The following MTERF4 variants were observed in gnomAD, a reference collection of about 807,000 sequenced individuals.
The protein encoded by MTERF4 is mitochondrial transcription termination factor 4.
MTERF4 carries 17 observed loss-of-function variants against 22.5 expected under a neutral mutation model. The observed-to-expected ratio is 0.75, with a 90% CI of 0.52 to 1.13. MTERF4 has a LOEUF of 1.13. Among genes scored for constraint, MTERF4 ranks in the 50% most tolerant of loss-of-function variants. MTERF4 has a pLI of 0.00. For synonymous variants in MTERF4, 165 were observed against 175.3 expected, an observed-to-expected ratio of 0.94 and a Z score of 0.47; for missense variants, 420 against 466.8, an observed-to-expected ratio of 0.90 and a Z score of 0.92.
chr2:241,047,537 A>G, the MTERF4 span, among the ~76,000 whole-genome samples: 2 of 152,260 alleles, frequency 1.3e-5, no homozygotes, highest in Non-Finnish European at 2.9e-5. Flanking sequence ...CTTGGCCATC[A>G]TAGGCCATAT....
At chr2:241,070,861 G>A (rs1308733934), downstream of MTERF4, among the ~76,000 whole-genome samples, 6 of 152,212 alleles carry the variant, frequency 3.9e-5, no homozygotes, top group East Asian at 1.9e-4. Context: ...AGGCCACGGC[G>A]GGACAGAGCA....
At chr2:241,044,399 T>A in the MTERF4 span, among the ~76,000 whole-genome samples, 1 of 152,222 alleles carries the variant, frequency 6.6e-6, no homozygotes, top group South Asian at 2.1e-4. Context: ...TCTACCCCTG[T>A]CTCTCCCCCA....
chr2:241,060,615 C>T, the MTERF4 span, among the ~76,000 whole-genome samples: 6 of 150,494 alleles, frequency 4.0e-5, no homozygotes, highest in Admixed American at 4.0e-4. Context: ...GAATTAAATC[C>T]AGGTGGATTA....
At chr2:241,080,411 C>A (rs940716980) in intron 4 of MTERF4, among the ~76,000 whole-genome samples, 6 of 152,158 alleles carry the variant, frequency 3.9e-5, no homozygotes, top group Non-Finnish European at 5.9e-5. Context: ...ATTGAAAGGC[C>A]TGAAGCTGTG....
intron 4 of MTERF4, among the ~76,000 whole-genome samples, chr2:241,078,120 C>G (rs771545204): frequency 6.6e-6 from 1 of 152,142 alleles, no homozygotes; most frequent in Non-Finnish European, 1.5e-5. Context: ...CGCGGTGGCT[C>G]ACGCCTGTAA....
At chr2:241,047,418 C>G in the MTERF4 span, among the ~76,000 whole-genome samples, 3 of 152,060 alleles carry the variant, frequency 2.0e-5, no homozygotes, top group African/African-American at 7.3e-5. Flanking sequence ...TTCGACACTC[C>G]CCTCTCAGTG....
At chr2:241,049,884 C>T in the MTERF4 span, 1 of 1,613,868 alleles carries the variant, frequency 6.2e-7, no homozygotes, top group Admixed American at 1.7e-5. Context: ...ATGACGACTC[C>T]TACACCTGCG....
the MTERF4 span, chr2:241,063,871 C>A: frequency 1.4e-6 from 1 of 732,756 alleles, no homozygotes; most frequent in Non-Finnish European, 2.3e-6. Context: ...CTGGGGAGGG[C>A]TGAGGGGCGG....
chr2:241,084,481 T>C (rs56237915), downstream of MTERF4, among the ~76,000 whole-genome samples: 8,795 of 152,174 alleles, frequency 0.058, 648 homozygotes, highest in East Asian at 0.23. Context: ...ACCATACACA[T>C]CTTCAACTTC....
downstream of MTERF4, chr2:241,091,918 T>C (rs764516508): frequency 1.3e-5 from 2 of 152,310 alleles, no homozygotes; most frequent in African/African-American, 2.4e-5. This position sits in a 1 kb window ranked among gnomAD's most constrained non-coding sequence, Gnocchi z 4.1. Context: ...CCTGAAGGTG[T>C]AGTCTGTGTC....
the MTERF4 span, among the ~76,000 whole-genome samples, chr2:241,054,486 T>G: frequency 6.6e-6 from 1 of 152,102 alleles, no homozygotes; most frequent in African/African-American, 2.4e-5. Flanking sequence ...GGAGATCACT[T>G]GAACCTGGGA....
the MTERF4 span, among the ~76,000 whole-genome samples, chr2:241,050,657 G>T: frequency 6.6e-5 from 10 of 152,202 alleles, no homozygotes; most frequent in Non-Finnish European, 1.3e-4. Flanking sequence ...GGTAGAACAG[G>T]TTTCCAAAGA....
At chr2:241,083,052 G>T (rs1376909607), downstream of MTERF4, among the ~76,000 whole-genome samples, 1 of 151,208 alleles carries the variant, frequency 6.6e-6, no homozygotes, top group Non-Finnish European at 1.5e-5. Flanking sequence ...TTGCAGATGA[G>T]GGGACAGACA....
chr2:241,064,701 C>G, the MTERF4 span: 1 of 601,038 alleles, frequency 1.7e-6, no homozygotes, highest in African/African-American at 1.9e-5. This position sits in a 1 kb window ranked among gnomAD's most constrained non-coding sequence, Gnocchi z 7.0. Context: ...GTGGCAGAAC[C>G]GAAGGGAGGC....
intron 1 of MTERF4, 133 bp downstream of exon 1, chr2:241,102,120 C>A: frequency 7.9e-7 from 1 of 1,270,498 alleles, no homozygotes; most frequent in Non-Finnish European, 1.1e-6. Flanking sequence ...GATGCCAAAA[C>A]CAGGTCAGCG....
At chr2:241,079,040 G>A (rs1486607863) in intron 4 of MTERF4, among the ~76,000 whole-genome samples, 1 of 151,292 alleles carries the variant, frequency 6.6e-6, no homozygotes, top group Non-Finnish European at 1.5e-5. Context: ...CTTGAACCCA[G>A]GAGGCGGAGG....
chr2:241,057,513 A>C, the MTERF4 span, among the ~76,000 whole-genome samples: 1 of 150,278 alleles, frequency 6.7e-6, no homozygotes, highest in Admixed American at 6.6e-5. Context: ...CAAGACCCCA[A>C]CTCTACAAAA....
intron 2 of MTERF4, among the ~76,000 whole-genome samples, chr2:241,098,646 C>T (rs1387410190): frequency 6.6e-6 from 1 of 152,238 alleles, no homozygotes; most frequent in East Asian, 1.9e-4. Flanking sequence ...TAAATCTAAA[C>T]ACTCGACTAG....
downstream of MTERF4, among the ~76,000 whole-genome samples, chr2:241,082,853 T>C (rs1198112290): frequency 6.6e-6 from 1 of 152,092 alleles, no homozygotes; most frequent in Non-Finnish European, 1.5e-5. Context: ...GCTAACACTC[T>C]ATGACTCTGT....
Sources: allele counts gnomAD v4.1 joint callset (sites outside exome capture counted in the v4.1 genomes callset), GRCh38; gene constraint gnomAD v4.1.1; non-coding constraint Gnocchi (gnomAD v3.1); transcripts MANE v1.5; gene names NCBI Gene and HGNC (gene_info 2026-07-23, HGNC 2026-07-21).